ADAM18: variants seen among roughly 807,000 people sequenced by gnomAD.
ADAM18 encodes the protein ADAM metallopeptidase domain 18, also known as disintegrin and metalloproteinase domain-containing protein 18.
In ADAM18, 117 loss-of-function variants were observed where a neutral mutation model predicts 94.4. The observed-to-expected ratio is 1.24, with a 90% CI of 1.07 to 1.45. ADAM18 has a LOEUF of 1.45. ADAM18 is among the 40% of genes most tolerant of loss of function. The pLI is 0.00. For synonymous variants in ADAM18, 327 were observed against 291.6 expected, an observed-to-expected ratio of 1.12 and a Z score of -1.24; for missense variants, 936 against 880.0, an observed-to-expected ratio of 1.06 and a Z score of -0.81.
At chr8:39,645,922 G>T (rs767648618) in intron 11 of ADAM18, among the ~76,000 whole-genome samples, 1 of 152,028 alleles carries the variant, frequency 6.6e-6, no homozygotes, top group African/African-American at 2.4e-5. Flanking sequence ...TTTTGCATGA[G>T]AGTGTCTTGC....
chr8:39,714,820 A>G (rs576869306), intron 18 of ADAM18, among the ~76,000 whole-genome samples: 156 of 152,236 alleles, frequency 1.0e-3, no homozygotes, highest in Non-Finnish European at 2.0e-3. Flanking sequence ...TTTCTCATCA[A>G]TATTATAATG....
intron 14 of ADAM18, among the ~76,000 whole-genome samples, chr8:39,671,302 G>C (rs542526532): frequency 5.3e-5 from 8 of 152,292 alleles, no homozygotes; most frequent in African/African-American, 1.9e-4. Context: ...TACATTAGCT[G>C]GTACAATTGA....
At chr8:39,672,583 T>C (rs76306108) in intron 14 of ADAM18, among the ~76,000 whole-genome samples, 3,376 of 152,012 alleles carry the variant, frequency 0.022, 148 homozygotes, top group African/African-American at 0.076. Context: ...CTGTGGAGAG[T>C]TGTCTCAGTA....
chr8:39,600,929 C>T (rs192337922), intron 2 of ADAM18, among the ~76,000 whole-genome samples: 2 of 152,222 alleles, frequency 1.3e-5, no homozygotes, highest in Admixed American at 6.5e-5. Flanking sequence ...ATAACTAAGA[C>T]TGGATAATTT....
chr8:39,637,696 T>A lies in ADAM18; in HGVS notation c.820T>A (p.Leu274Ile), dbSNP rs369119694. The A allele has an allele frequency of 1.3e-6, 2 of 1,599,482 alleles. No homozygotes were observed. Among genetic ancestry groups the A allele is most frequent in the Non-Finnish European group, 8.5e-7 (1 of 1,173,882 alleles). ...LILRPHDIAY[L>I]LVYRKHPKYV... ...CCTACGGCCCCATGACATAGCATAC[T>A]TACTTGTGTAAGCACAATGTTCTAC... Residue 274 changes from leucine (L) to isoleucine (I), a missense_variant, in exon 9 of 20, where the codon TTA (leucine) becomes ATA (isoleucine). Coordinates refer to ENST00000265707, the MANE Select transcript of ADAM18 (RefSeq NM_014237.3).
chr8:39,595,280 A>C (rs777596167), intron 2 of ADAM18, among the ~76,000 whole-genome samples: 16 of 152,016 alleles, frequency 1.1e-4, no homozygotes, highest in Non-Finnish European at 2.4e-4. Context: ...TAGGTGAAGC[A>C]CAGGGCTGAC....
chr8:39,693,978 T>G (rs1162791615), intron 17 of ADAM18, among the ~76,000 whole-genome samples: 2 of 151,250 alleles, frequency 1.3e-5, no homozygotes, highest in African/African-American at 4.8e-5. Context: ...TCATGAAATG[T>G]TGCCAGTTAT....
At chr8:39,617,947 C>T (rs933051873) in intron 6 of ADAM18, among the ~76,000 whole-genome samples, 8 of 152,058 alleles carry the variant, frequency 5.3e-5, no homozygotes, top group African/African-American at 1.9e-4. Flanking sequence ...ACCTATGTAT[C>T]AAACCAGCAC....
chr8:39,625,987 T>C (rs1329085778), intron 6 of ADAM18, among the ~76,000 whole-genome samples: 2 of 152,188 alleles, frequency 1.3e-5, no homozygotes, highest in Non-Finnish European at 2.9e-5. Context: ...TTCAGCAGCA[T>C]TGGTATCAAT....
chr8:39,686,585 C>T (rs1821611596), intron 16 of ADAM18, among the ~76,000 whole-genome samples: 1 of 152,168 alleles, frequency 6.6e-6, no homozygotes, highest in South Asian at 2.1e-4. Context: ...TTTTGGGGAA[C>T]ACAAATATTC....
chr8:39,698,412 A>G (rs1821982711), intron 17 of ADAM18, among the ~76,000 whole-genome samples: 1 of 151,922 alleles, frequency 6.6e-6, no homozygotes, highest in Non-Finnish European at 1.5e-5. Context: ...TTGTAGTGAT[A>G]ACTCCACTTT....
intron 14 of ADAM18, among the ~76,000 whole-genome samples, chr8:39,675,122 A>C (rs1342447165): frequency 2.0e-5 from 3 of 151,852 alleles, no homozygotes; most frequent in Admixed American, 2.0e-4. Flanking sequence ...CTTCTCAAGG[A>C]GTATCTTTGT....
intron 18 of ADAM18, among the ~76,000 whole-genome samples, chr8:39,710,465 T>TTC (rs1453662905): frequency 2.0e-5 from 3 of 152,306 alleles, no homozygotes; most frequent in African/African-American, 7.2e-5. Context: ...AGTCAGTACT[T>TTC]GTATCCAAGA....
chr8:39,691,761 C>T (rs1821787804), intron 16 of ADAM18, among the ~76,000 whole-genome samples: 1 of 150,306 alleles, frequency 6.7e-6, no homozygotes, highest in East Asian at 1.9e-4. Context: ...CTTACTCATA[C>T]ATGGAAGCTA....
intron 3 of ADAM18, 135 bp downstream of exon 3, chr8:39,606,497 A>T: frequency 4.1e-6 from 2 of 489,438 alleles, no homozygotes; most frequent in Non-Finnish European, 7.1e-6. Flanking sequence ...TCAACTTCCC[A>T]ATTTAGGATT....
At chr8:39,645,930 T>C (rs1032976764) in intron 11 of ADAM18, among the ~76,000 whole-genome samples, 14 of 152,148 alleles carry the variant, frequency 9.2e-5, no homozygotes, top group African/African-American at 3.1e-4. Context: ...GAGAGTGTCT[T>C]GCAAAAGTAT....
intron 16 of ADAM18, among the ~76,000 whole-genome samples, chr8:39,684,074 G>C (rs977210163): frequency 6.6e-6 from 1 of 152,122 alleles, no homozygotes; most frequent in South Asian, 2.1e-4. Context: ...GAACTCAGGA[G>C]ATTGAAGCTT....
intron 7 of ADAM18, among the ~76,000 whole-genome samples, chr8:39,629,955 C>G (rs1031006469): frequency 2.0e-5 from 3 of 151,874 alleles, no homozygotes; most frequent in African/African-American, 7.2e-5. Flanking sequence ...CATCCTTTCT[C>G]TTAATCTGCT....
intron 12 of ADAM18, among the ~76,000 whole-genome samples, chr8:39,650,379 A>T (rs1337426155): frequency 6.6e-6 from 1 of 152,224 alleles, no homozygotes; most frequent in Non-Finnish European, 1.5e-5. Flanking sequence ...AGATGACTTG[A>T]TCATATATAT....
Sources: gnomAD v4.1 joint callset for allele counts (sites outside exome capture counted in the v4.1 genomes callset) on GRCh38, gnomAD v4.1.1 for gene constraint, MANE v1.5 for transcripts, NCBI Gene and HGNC (gene_info 2026-07-23, HGNC 2026-07-21) for gene names.